LARGE1: variants seen among roughly 807,000 people sequenced by gnomAD.
LARGE1 encodes xylosyl- and glucuronyltransferase LARGE1.
In LARGE1, 43 loss-of-function variants were observed where a neutral mutation model predicts 87.6. The ratio of observed to expected loss-of-function variants is 0.49; its 90% CI spans 0.38 to 0.63. The LOEUF (loss-of-function observed/expected upper bound fraction) is 0.63, where lower values mean the gene tolerates loss of function less well. Ranked by LOEUF, LARGE1 falls within the 30% of genes least tolerant of loss-of-function variation. The probability of loss-of-function intolerance (pLI) is 0.00; values close to 1 mark genes in which losing one functional copy is unlikely to be tolerated. For synonymous variants in LARGE1, 434 were observed against 394.6 expected (o/e 1.10, Z -1.18); for missense variants, 802 against 1,000.2 (o/e 0.80, Z 2.67).
the LARGE1 span, among the ~76,000 whole-genome samples, chr22:33,108,844 AG>A: frequency 6.6e-6 from 1 of 152,136 alleles, no homozygotes; most frequent in East Asian, 1.9e-4. Context: ...TATTACTGAG[AG>A]GCAGTAGAAT....
At chr22:33,082,802 G>T in the LARGE1 span, among the ~76,000 whole-genome samples, 1 of 152,118 alleles carries the variant, frequency 6.6e-6, no homozygotes, top group Non-Finnish European at 1.5e-5. Context: ...GAGGTGGGTG[G>T]ATCATGAGGT....
At chr22:33,372,614 A>G (rs1229852214) in intron 9 of LARGE1, among the ~76,000 whole-genome samples, 1 of 152,094 alleles carries the variant, frequency 6.6e-6, no homozygotes, top group African/African-American at 2.4e-5. Context: ...TGTGGGGGAA[A>G]CTGCTCCCAT....
At chr22:33,910,473 C>G (rs1296892347) in intron 1 of LARGE1, among the ~76,000 whole-genome samples, 2 of 152,154 alleles carry the variant, frequency 1.3e-5, no homozygotes. Flanking sequence ...ATCTAATATT[C>G]TCATCTTGAC....
At chr22:33,365,081 G>A (rs1440556262) in intron 9 of LARGE1, among the ~76,000 whole-genome samples, 1 of 152,044 alleles carries the variant, frequency 6.6e-6, no homozygotes, top group Non-Finnish European at 1.5e-5. Flanking sequence ...AAAAAGACTT[G>A]AGAGTTTAGA....
intron 6 of LARGE1, among the ~76,000 whole-genome samples, chr22:33,529,875 T>C (rs1170767976): frequency 2.6e-5 from 4 of 152,176 alleles, no homozygotes; most frequent in Non-Finnish European, 5.9e-5. Flanking sequence ...TACCCAACCA[T>C]CTTCCTCCTT....
chr22:33,720,105 T>C (rs2083050793), intron 2 of LARGE1, among the ~76,000 whole-genome samples: 1 of 152,192 alleles, frequency 6.6e-6, no homozygotes, highest in Admixed American at 6.5e-5. Flanking sequence ...TACATTGTAA[T>C]ATATAATGCA....
chr22:33,316,348 A>G (rs1936163481), intron 10 of LARGE1, 100 bp from the exon 11 acceptor site: 1 of 1,173,058 alleles, frequency 8.5e-7, no homozygotes, highest in Non-Finnish European at 1.2e-6. Context: ...TTTATTACCC[A>G]TCAGGACGTT....
intron 7 of LARGE1, among the ~76,000 whole-genome samples, chr22:33,386,067 G>GT (rs1208310168): frequency 6.7e-6 from 1 of 148,808 alleles, no homozygotes; most frequent in Non-Finnish European, 1.5e-5. Context: ...GGAAGATTGG[G>GT]TTAATACACA....
chr22:33,096,285 G>A, the LARGE1 span, among the ~76,000 whole-genome samples: 1 of 151,970 alleles, frequency 6.6e-6, no homozygotes, highest in South Asian at 2.1e-4. Context: ...GCATGGTAGT[G>A]CATGCCTGTA....
intron 6 of LARGE1, among the ~76,000 whole-genome samples, chr22:33,485,493 A>AT (rs917268737): frequency 8.5e-4 from 129 of 152,182 alleles, no homozygotes; most frequent in African/African-American, 3.0e-3. Flanking sequence ...TGGGGAGTTC[A>AT]TTTTTTTAAA....
chr22:33,515,346 G>A (rs911692987), intron 6 of LARGE1, among the ~76,000 whole-genome samples: 1 of 152,126 alleles, frequency 6.6e-6, no homozygotes, highest in African/African-American at 2.4e-5. Flanking sequence ...TAGAAAGAGA[G>A]CAGCAAATCT....
chr22:33,591,111 G>T (rs1569296153), intron 5 of LARGE1, among the ~76,000 whole-genome samples: 1 of 152,220 alleles, frequency 6.6e-6, no homozygotes, highest in Non-Finnish European at 1.5e-5. Flanking sequence ...TGAGGCAGAA[G>T]AATCGCTTGA....
chr22:33,213,840 T>G (rs1478612843), intron 11 of LARGE1, among the ~76,000 whole-genome samples: 1 of 152,180 alleles, frequency 6.6e-6, no homozygotes, highest in African/African-American at 2.4e-5. Flanking sequence ...TCTTTTTTTT[T>G]TTGAGACGGA....
At chr22:33,285,757 A>C (rs918064482) in intron 12 of LARGE1, among the ~76,000 whole-genome samples, 4 of 152,230 alleles carry the variant, frequency 2.6e-5, no homozygotes, top group African/African-American at 9.6e-5. Flanking sequence ...ATCATACCAT[A>C]AGGAAGTGAC....
intron 7 of LARGE1, among the ~76,000 whole-genome samples, chr22:33,414,317 A>G (rs914173764): frequency 2.6e-5 from 4 of 152,132 alleles, no homozygotes; most frequent in African/African-American, 7.2e-5. Flanking sequence ...GGGAAGGGAG[A>G]AATGAATTAT....
intron 6 of LARGE1, among the ~76,000 whole-genome samples, chr22:33,554,364 G>GT (rs1308496031): frequency 1.3e-5 from 2 of 152,120 alleles, no homozygotes; most frequent in Non-Finnish European, 2.9e-5. Context: ...AAAGGAAACT[G>GT]TAACAATCTG....
At chr22:33,587,675 A>T (rs377490061) in intron 5 of LARGE1, among the ~76,000 whole-genome samples, 1 of 151,614 alleles carries the variant, frequency 6.6e-6, no homozygotes, top group Non-Finnish European at 1.5e-5. Flanking sequence ...GTTTATTCAG[A>T]ATTTTCCCCT....
chr22:33,123,219 A>AG, the LARGE1 span, among the ~76,000 whole-genome samples: 2 of 151,190 alleles, frequency 1.3e-5, no homozygotes, highest in African/African-American at 4.9e-5. Context: ...GAGGGCCATA[A>AG]AGCCTGCACA....
intron 6 of LARGE1, among the ~76,000 whole-genome samples, chr22:33,520,062 TG>T (rs1275931434): frequency 7.2e-6 from 1 of 138,806 alleles, no homozygotes; most frequent in East Asian, 2.2e-4. Flanking sequence ...TGGAGTGCGG[TG>T]GTGTGATCAG....
Sources: gnomAD v4.1 joint callset for allele counts (sites outside exome capture counted in the v4.1 genomes callset) on GRCh38, gnomAD v4.1.1 for gene constraint, MANE v1.5 for transcripts, NCBI Gene and HGNC (gene_info 2026-07-23, HGNC 2026-07-21) for gene names.